The following ZNF385D variants were observed in gnomAD, a reference collection of about 807,000 sequenced individuals.
ZNF385D encodes the protein zinc finger protein 659.
ZNF385D carries 15 observed loss-of-function variants against 35.8 expected under a neutral mutation model. The observed-to-expected ratio is 0.42, with a 90% CI of 0.28 to 0.64. ZNF385D has a LOEUF of 0.64. Among genes scored for constraint, ZNF385D ranks in the 30% least tolerant of loss-of-function variants. The probability of loss-of-function intolerance (pLI) is 0.23; values close to 1 mark genes in which losing one functional copy is unlikely to be tolerated. For synonymous variants in ZNF385D, 212 were observed against 186.8 expected, an observed-to-expected ratio of 1.13 and a Z score of -1.10; for missense variants, 474 against 494.6, an observed-to-expected ratio of 0.96 and a Z score of 0.39.
intron 3 of ZNF385D, among the ~76,000 whole-genome samples, chr3:21,852,366 C>A (rs1696434738): frequency 6.6e-6 from 1 of 151,856 alleles, no homozygotes; most frequent in Admixed American, 6.6e-5. Context: ...CAGGACATTT[C>A]CAACACTAAT....
intron 3 of ZNF385D, among the ~76,000 whole-genome samples, chr3:22,111,159 TTTTTTTTTTTTTTTTTTG>T (rs966854747): frequency 6.6e-5 from 5 of 75,316 alleles, no homozygotes; most frequent in African/African-American, 2.6e-4. Context: ...TGGATTTTTT[TTTTTTTTTTTTTTTTTTG>T]TTTTTTTTGT....
chr3:21,984,970 C>T (rs1694724290), intron 3 of ZNF385D, among the ~76,000 whole-genome samples: 1 of 151,534 alleles, frequency 6.6e-6, no homozygotes, highest in Non-Finnish European at 1.5e-5. Flanking sequence ...CTCTGTTTGT[C>T]TGTTTTTTGT....
chr3:21,758,458 A>G (rs906100352), intron 3 of ZNF385D, among the ~76,000 whole-genome samples: 1 of 152,178 alleles, frequency 6.6e-6, no homozygotes, highest in Non-Finnish European at 1.5e-5. Flanking sequence ...CAAGTCTCTG[A>G]AGGAAACCCA....
At chr3:21,471,259 T>C in intron 4 of ZNF385D, among the ~76,000 whole-genome samples, 1 of 116,780 alleles carries the variant, frequency 8.6e-6, no homozygotes, top group Non-Finnish European at 1.7e-5. Flanking sequence ...TCCCTTTCTC[T>C]CTCTCTCTCT....
At chr3:22,131,383 G>GAAGA (rs1194069669) in intron 3 of ZNF385D, among the ~76,000 whole-genome samples, 1 of 152,028 alleles carries the variant, frequency 6.6e-6, no homozygotes, top group Non-Finnish European at 1.5e-5. Flanking sequence ...AAAAAGTTTA[G>GAAGA]AAGAAAGAAA....
chr3:22,167,582 C>T (rs1706418157), intron 3 of ZNF385D, among the ~76,000 whole-genome samples: 1 of 152,170 alleles, frequency 6.6e-6, no homozygotes. Context: ...TGGCCCTCTG[C>T]CCTCTAATAA....
At chr3:21,717,633 G>C (rs2068375705) in intron 1 of ZNF385D, among the ~76,000 whole-genome samples, 1 of 152,208 alleles carries the variant, frequency 6.6e-6, no homozygotes, top group South Asian at 2.1e-4. Flanking sequence ...GATCCAGTGG[G>C]AGATAATTGA....
Position 21,684,499 on chromosome 3 carries a change from T to C in ZNF385D, c.23-19471A>G, listed in dbSNP as rs75913556. ...TCAACTGTGACCCAACCCAGACCATTTCAATAACGGAACCCTTTAAAAAAT... is the reference window on the plus strand; with the variant it reads ...TCAACTGTGACCCAACCCAGACCATCTCAATAACGGAACCCTTTAAAAAAT... On this transcript the variant is annotated intron_variant, in intron 1 of 7. Coordinates refer to ENST00000281523, the MANE Select transcript of ZNF385D (RefSeq NM_024697.3). Among the ~76,000 whole-genome samples, 14 of 146,042 alleles carry C rather than the reference T, an allele frequency of 9.6e-5. 1 individual carries two copies. The highest frequency in any genetic ancestry group is 3.2e-4 in the African/African-American group (12 of 37,572).
At chr3:22,209,122 C>T (rs187272843) in intron 2 of ZNF385D, among the ~76,000 whole-genome samples, 151 of 151,854 alleles carry the variant, frequency 9.9e-4, no homozygotes, top group African/African-American at 3.4e-3. Context: ...TTCAGTAAGC[C>T]CATAATATTT....
chr3:21,997,321 G>A (rs987649856), intron 3 of ZNF385D, among the ~76,000 whole-genome samples: 4 of 152,066 alleles, frequency 2.6e-5, no homozygotes, highest in African/African-American at 9.7e-5. Context: ...GACACAGGGT[G>A]GGGAACATCA....
intron 3 of ZNF385D, among the ~76,000 whole-genome samples, chr3:21,851,775 C>G (rs551106914): frequency 6.6e-6 from 1 of 152,128 alleles, no homozygotes; most frequent in Non-Finnish European, 1.5e-5. Flanking sequence ...TGAGGCCAGT[C>G]AGTCTGTAGT....
At chr3:21,798,159 C>T (rs1370165390) in intron 3 of ZNF385D, among the ~76,000 whole-genome samples, 1 of 152,108 alleles carries the variant, frequency 6.6e-6, no homozygotes, top group Non-Finnish European at 1.5e-5. Context: ...TCTGTACCTG[C>T]CTTTTAATTT....
chr3:21,479,930 C>G (rs1278399294), intron 4 of ZNF385D, among the ~76,000 whole-genome samples: 2 of 152,046 alleles, frequency 1.3e-5, no homozygotes, highest in African/African-American at 4.8e-5. Context: ...TCCTTTTGGT[C>G]TGCTTTTTAA....
chr3:21,467,789 T>C (rs987583518), intron 4 of ZNF385D, among the ~76,000 whole-genome samples: 2 of 152,214 alleles, frequency 1.3e-5, no homozygotes, highest in South Asian at 2.1e-4. Context: ...TTCAAAATGC[T>C]GGTTCTGGTA....
In ZNF385D at chr3:22,217,713, G is replaced by T. The variant is rs118103536; in HGVS notation, c.107-48678C>A. On this transcript the variant is annotated intron_variant, in intron 2 of 5. Transcript: ENST00000494108. ...AAATATAGAGAGCATATTTTGGGGAGAATGATAGGCTGAAAAGAAGGAGTA... is the reference window on the plus strand; with the variant it reads ...AAATATAGAGAGCATATTTTGGGGATAATGATAGGCTGAAAAGAAGGAGTA... Among the ~76,000 whole-genome samples the T allele has an allele frequency of 8.0e-4, 122 of 152,268 alleles. 1 individual carries two copies. In the East Asian group the frequency reaches 0.021, roughly 26 times the overall value.
At chr3:21,761,488 G>T (rs2070605773) in intron 3 of ZNF385D, among the ~76,000 whole-genome samples, 1 of 152,222 alleles carries the variant, frequency 6.6e-6, no homozygotes, top group African/African-American at 2.4e-5. Context: ...TAGGATCCTG[G>T]AAGCCTGTAT....
intron 2 of ZNF385D, among the ~76,000 whole-genome samples, chr3:22,371,417 G>A (rs202077248): frequency 6.6e-6 from 1 of 151,644 alleles, no homozygotes; most frequent in African/African-American, 2.4e-5. Context: ...AATGTCAGAT[G>A]TTCTCAGTCA....
intron 3 of ZNF385D, among the ~76,000 whole-genome samples, chr3:21,918,619 T>C (rs975926624): frequency 2.6e-5 from 4 of 152,286 alleles, no homozygotes; most frequent in African/African-American, 7.2e-5. Flanking sequence ...AGTGAAATAA[T>C]AGCAGAGGGT....
intron 3 of ZNF385D, among the ~76,000 whole-genome samples, chr3:22,163,019 T>A (rs903328508): frequency 5.9e-5 from 9 of 152,062 alleles, no homozygotes; most frequent in African/African-American, 1.9e-4. Context: ...AACAGAGACA[T>A]CAGCAAATCT....
Sources: allele counts gnomAD v4.1 joint callset (sites outside exome capture counted in the v4.1 genomes callset), GRCh38; gene constraint gnomAD v4.1.1; transcripts MANE v1.5; gene names NCBI Gene and HGNC (gene_info 2026-07-23, HGNC 2026-07-21).